FAM120A: variants seen among roughly 807,000 people sequenced by gnomAD.
FAM120A encodes the protein family with sequence similarity 120 member A.
In FAM120A, 15 loss-of-function variants were observed where a neutral mutation model predicts 109.7. The observed-to-expected ratio is 0.14, with a 90% CI of 0.09 to 0.21. The LOEUF (loss-of-function observed/expected upper bound fraction) is 0.21. FAM120A is among the 10% of genes least tolerant of loss of function. The pLI is 1.00. For missense variants in FAM120A, 899 were observed against 1,439.3 expected, an observed-to-expected ratio of 0.62 and a Z score of 6.07; for synonymous variants, 493 against 572.8, an observed-to-expected ratio of 0.86 and a Z score of 1.99.
chr9:93,505,035 C>G (rs1303833224), intron 5 of FAM120A, among the ~76,000 whole-genome samples: 1 of 138,730 alleles, frequency 7.2e-6, no homozygotes, highest in African/African-American at 2.7e-5. Flanking sequence ...AATGCTTGTT[C>G]ATGTTGTTCG....
At chr9:93,488,061 T>C (rs1289524867) in intron 3 of FAM120A, among the ~76,000 whole-genome samples, 2 of 152,184 alleles carry the variant, frequency 1.3e-5, no homozygotes, top group African/African-American at 4.8e-5. Context: ...ATTTTCCCAT[T>C]TTTACTTCTT....
chr9:93,459,537 A>T (rs1198585247), intron 1 of FAM120A, among the ~76,000 whole-genome samples: 1 of 152,212 alleles, frequency 6.6e-6, no homozygotes, highest in Non-Finnish European at 1.5e-5. Context: ...TGAACAGAAC[A>T]GGAAAGGAAG....
intron 12 of FAM120A, among the ~76,000 whole-genome samples, chr9:93,554,120 TACACACAC>T (rs10672125): frequency 0.014 from 1,252 of 87,436 alleles, 14 homozygotes; most frequent in Middle Eastern, 0.055. Flanking sequence ...GGCCATTTGA[TACACACAC>T]ACACACACAC....
intron 9 of FAM120A, chr9:93,530,416 C>T (rs1861282096): frequency 6.6e-6 from 1 of 152,168 alleles, no homozygotes; most frequent in South Asian, 2.1e-4. Context: ...ACTTTTCTGT[C>T]TATTCTCTAC....
intron 3 of FAM120A, among the ~76,000 whole-genome samples, chr9:93,478,571 G>A (rs1342820246): frequency 6.6e-6 from 1 of 152,014 alleles, no homozygotes; most frequent in Non-Finnish European, 1.5e-5. Context: ...CTGCCTCCAG[G>A]GTTCAAGTGA....
chr9:93,539,090 T>C (rs574069424), intron 10 of FAM120A, among the ~76,000 whole-genome samples: 3 of 145,638 alleles, frequency 2.1e-5, no homozygotes, highest in African/African-American at 7.4e-5. Context: ...CTCCGCCTCC[T>C]GGGTTGGCAC....
At chr9:93,504,440 A>G (rs796626627) in intron 5 of FAM120A, among the ~76,000 whole-genome samples, 5 of 152,182 alleles carry the variant, frequency 3.3e-5, no homozygotes, top group African/African-American at 1.2e-4. Context: ...CGCTGGTTGC[A>G]TTCCTCGACT....
At chr9:93,478,696 G>A (rs1417823149) in intron 3 of FAM120A, among the ~76,000 whole-genome samples, 1 of 152,084 alleles carries the variant, frequency 6.6e-6, no homozygotes, top group Non-Finnish European at 1.5e-5. Flanking sequence ...TATTCGTCTC[G>A]AACACCTGAC....
At chr9:93,481,813 A>G (rs887866101) in intron 3 of FAM120A, among the ~76,000 whole-genome samples, 4 of 152,052 alleles carry the variant, frequency 2.6e-5, no homozygotes, top group African/African-American at 9.7e-5. Flanking sequence ...CTGCATGGTG[A>G]GCCTCCCCTA....
intron 3 of FAM120A, among the ~76,000 whole-genome samples, chr9:93,488,522 C>G (rs1315512208): frequency 6.6e-6 from 1 of 152,112 alleles, no homozygotes; most frequent in Non-Finnish European, 1.5e-5. Flanking sequence ...GTGCTGAAGT[C>G]TCAGCTACCA....
At chr9:93,540,495 G>C (rs1861655686) in intron 10 of FAM120A, among the ~76,000 whole-genome samples, 1 of 152,174 alleles carries the variant, frequency 6.6e-6, no homozygotes, top group African/African-American at 2.4e-5. Context: ...GCTTACCCAG[G>C]ACAGTTCCGA....
At chr9:93,496,513 G>C (rs548242149) in intron 3 of FAM120A, among the ~76,000 whole-genome samples, 1 of 152,204 alleles carries the variant, frequency 6.6e-6, no homozygotes, top group East Asian at 1.9e-4. Flanking sequence ...GCAAGGGCTG[G>C]TCCCTCTGCA....
intron 1 of FAM120A, among the ~76,000 whole-genome samples, chr9:93,462,422 C>T (rs755607335): frequency 8.5e-5 from 13 of 152,200 alleles, no homozygotes; most frequent in East Asian, 5.8e-4. Context: ...GGATTACAGG[C>T]GTGCGCCTGC....
At chr9:93,562,136 C>A in intron 16 of FAM120A, 72 bp from the exon 17 acceptor site, 4 of 1,239,114 alleles carry the variant, frequency 3.2e-6, no homozygotes, top group Non-Finnish European at 4.7e-6. Flanking sequence ...GCTTTAAAAT[C>A]ATTTGATACT....
intron 7 of FAM120A, among the ~76,000 whole-genome samples, chr9:93,524,451 A>C (rs1277576313): frequency 6.6e-6 from 1 of 152,206 alleles, no homozygotes; most frequent in Non-Finnish European, 1.5e-5. Flanking sequence ...CTATCTTTCC[A>C]GGCTTTCATA....
At chr9:93,505,217 C>T (rs900511644) in intron 5 of FAM120A, among the ~76,000 whole-genome samples, 1 of 151,920 alleles carries the variant, frequency 6.6e-6, no homozygotes, top group Non-Finnish European at 1.5e-5. Context: ...CTCGCCACCA[C>T]GCCTGGCTAA....
chr9:93,523,453 AC>A lies in FAM120A; in HGVS notation c.1419-3701del, dbSNP rs1169338802. The A allele has an allele frequency of 2.0e-5, 9 of 440,574 alleles. No individual in the cohort carries two copies. In the African/African-American group the frequency reaches 2.4e-4, roughly 12 times the overall value. The allele number at this position is 440,574 out of a possible 1,614,324, so 27.3% of individuals were successfully genotyped here. A position where few individuals can be genotyped will look rare whatever the true frequency, so the allele number is the denominator to read the frequency against. The stretch of plus-strand genomic sequence containing the variant: ...ATGCTCTTGTTCCAGACAGATATCC[AC>A]TTTATATTTATGTTTTGACACATGG... On this transcript the variant is annotated intron_variant, in intron 7 of 17. Transcript: ENST00000277165.
At chr9:93,504,128 A>T (rs750284404) in intron 5 of FAM120A, among the ~76,000 whole-genome samples, 3 of 152,152 alleles carry the variant, frequency 2.0e-5, no homozygotes, top group Non-Finnish European at 4.4e-5. Context: ...AGGTGCCAAT[A>T]TGGGAAGAAG....
chr9:93,471,521 C>T, intron 2 of FAM120A, 134 bp downstream of exon 2: 1 of 1,065,686 alleles, frequency 9.4e-7, no homozygotes, highest in Non-Finnish European at 1.4e-6. Flanking sequence ...GTGGGCTCTT[C>T]CTTAGCATTC....
Sources: gnomAD v4.1 joint callset for allele counts (sites outside exome capture counted in the v4.1 genomes callset) on GRCh38, gnomAD v4.1.1 for gene constraint, MANE v1.5 for transcripts, NCBI Gene and HGNC (gene_info 2026-07-23, HGNC 2026-07-21) for gene names.